The following TLR1 variants were observed in gnomAD, a reference collection of about 807,000 sequenced individuals.
TLR1 encodes toll-like receptor 1.
TLR1 carries 19 observed loss-of-function variants against 20.2 expected under a neutral mutation model. The observed-to-expected ratio is 0.94, with a 90% confidence interval of 0.66 to 1.38. The LOEUF (loss-of-function observed/expected upper bound fraction) is 1.38. Among genes scored for constraint, TLR1 ranks in the 40% most tolerant of loss-of-function variants. TLR1 has a pLI of 0.00. For missense variants in TLR1, 921 were observed against 910.0 expected (o/e 1.01, Z -0.16); for synonymous variants, 320 against 334.5 (o/e 0.96, Z 0.47).
In TLR1 at chr4:38,798,641, T is replaced by G; in HGVS notation, c.191A>C (p.Asp64Ala). ...CCTCAGTTTTGACAGTGATAAGATG[T>G]CAGAAGTCCAAAGCTCAGATATATA... ...QNYISELWTS[D>A]ILSLSKLRIL... The change falls in exon 4 of 4, where the codon GAC becomes GCC. Residue 64 changes from aspartate (D) to alanine (A), a missense_variant. Asp to Ala is a moderately radical substitution (Grantham distance 126, BLOSUM62 -2). Coordinates refer to ENST00000308979, the MANE Select transcript of TLR1 (RefSeq NM_003263.4). The G allele has an allele frequency of 6.2e-7, 1 of 1,613,846 alleles. No individual in the cohort carries two copies. The highest frequency in any genetic ancestry group is 2.2e-5 in the East Asian group (1 of 44,874).
downstream of TLR1, among the ~76,000 whole-genome samples, chr4:38,793,957 A>G (rs1725871910): frequency 6.6e-6 from 1 of 152,114 alleles, no homozygotes; most frequent in Non-Finnish European, 1.5e-5. Flanking sequence ...GACAGAGAAA[A>G]GACAGCCATC....
At chr4:38,790,444 G>A (rs1003025211), downstream of TLR1, among the ~76,000 whole-genome samples, 75 of 152,282 alleles carry the variant, frequency 4.9e-4, no homozygotes, top group African/African-American at 1.8e-3. Context: ...GAGATGCATG[G>A]TTATTCTGAT....
At chr4:38,804,846 G>GAAAAC (rs1443411848), upstream of TLR1, 12 of 152,224 alleles carry the variant, frequency 7.9e-5, no homozygotes, top group South Asian at 2.1e-4. Context: ...ATTTGGTGTT[G>GAAAAC]AAAACAAAAC....
downstream of TLR1, among the ~76,000 whole-genome samples, chr4:38,789,484 T>G (rs1429968302): frequency 6.6e-6 from 1 of 152,176 alleles, no homozygotes; most frequent in African/African-American, 2.4e-5. Context: ...TCTTTTTCTT[T>G]TCTTTTTTTT....
chr4:38,803,119 C>A (rs1726789121), intron 2 of TLR1, among the ~76,000 whole-genome samples: 1 of 152,188 alleles, frequency 6.6e-6, no homozygotes, highest in Non-Finnish European at 1.5e-5. Flanking sequence ...AACTAAGCAG[C>A]CAGGACAAGG....
chr4:38,787,771 T>G (rs542393904), downstream of TLR1, among the ~76,000 whole-genome samples: 1 of 152,220 alleles, frequency 6.6e-6, no homozygotes, highest in Admixed American at 6.5e-5. Flanking sequence ...CATAGCCACA[T>G]ACGGCTAGTG....
At chr4:38,805,091 G>A (rs529301946), upstream of TLR1, 1 of 152,230 alleles carries the variant, frequency 6.6e-6, no homozygotes, top group East Asian at 1.9e-4. Context: ...GATCATAATT[G>A]GCTGAATTCA....
downstream of TLR1, chr4:38,794,587 T>C (rs1320966049): frequency 6.6e-6 from 1 of 151,608 alleles, no homozygotes; most frequent in Non-Finnish European, 1.5e-5. Context: ...TTCTTCATCA[T>C]TACACATTGA....
intron 2 of TLR1, among the ~76,000 whole-genome samples, chr4:38,803,249 C>T (rs1363822868): frequency 6.6e-6 from 1 of 152,158 alleles, no homozygotes; most frequent in Non-Finnish European, 1.5e-5. Context: ...TCATCCACCC[C>T]CTCCCCTCAG....
rs772022360 is a variant in TLR1, at chr4:38,798,680, T to C, written c.152A>G (p.Asn51Ser). ...CTCAGATATATAATTTTGCGATATA[T>C]TTAAGATTGTTGTTTTCTGGGATAG... ...KDLSQKTTIL[N>S]ISQNYISELW... The change falls in exon 4 of 4, where the codon AAT (asparagine) becomes AGT (serine). Residue 51 changes from asparagine to serine, a missense_variant. Coordinates refer to ENST00000308979, the MANE Select transcript of TLR1 (RefSeq NM_003263.4). 1 of 1,614,060 alleles carries C rather than the reference T, an allele frequency of 6.2e-7. No homozygotes were observed. The highest frequency in any genetic ancestry group is 8.5e-7 in the Non-Finnish European group (1 of 1,179,954).
At chr4:38,788,074 T>C (rs1198931939), downstream of TLR1, among the ~76,000 whole-genome samples, 2 of 152,144 alleles carry the variant, frequency 1.3e-5, no homozygotes, top group South Asian at 2.1e-4. Context: ...AATATGTGTA[T>C]CTATTAGAAG....
At chr4:38,800,089 T>C (rs1411637107) in intron 3 of TLR1, among the ~76,000 whole-genome samples, 1 of 152,116 alleles carries the variant, frequency 6.6e-6, no homozygotes, top group Non-Finnish European at 1.5e-5. Context: ...CTTTTTGAGA[T>C]GATGACACTA....
intron 2 of TLR1, among the ~76,000 whole-genome samples, 170 bp downstream of exon 2, chr4:38,804,136 A>T (rs540103473): frequency 9.8e-5 from 15 of 152,372 alleles, no homozygotes; most frequent in African/African-American, 3.4e-4. Context: ...TTGCTTTGTT[A>T]TAAAACAAAT....
downstream of TLR1, chr4:38,794,703 T>C (rs1167401695): frequency 6.6e-6 from 1 of 152,100 alleles, no homozygotes; most frequent in East Asian, 1.9e-4. Context: ...CCTCTGAACT[T>C]CCATTTTATA....
In TLR1 at chr4:38,798,432, C is replaced by A. The variant is rs757205886; in HGVS notation, c.400G>T (p.Glu134Ter). 3.7e-6 allele frequency: 6 copies of A among 1,613,692 alleles called. No homozygotes were observed. The highest frequency in any genetic ancestry group is 4.2e-6 in the Non-Finnish European group (5 of 1,179,690). ...NAFDALPICK[E>*]FGNMSQLKFL... ...TTTAGTTGAGACATATTGCCAAACT[C>A]TTTGCATATAGGCAGGGCATCAAAT... Residue 134 changes from glutamate to a stop codon, truncating the protein, a stop_gained, in exon 4 of 4, where the codon GAG becomes TAG. Coordinates refer to ENST00000308979, the MANE Select transcript of TLR1 (RefSeq NM_003263.4). LOFTEE classifies it low-confidence loss of function (END_TRUNC).
Position 38,797,653 on chromosome 4 carries a change from C to A in TLR1, c.1179G>T (p.Met393Ile), listed in dbSNP as rs751877422. Residue 393 changes from methionine to isoleucine, a missense_variant, in exon 4 of 4, where the codon ATG (methionine) becomes ATT (isoleucine). By Grantham distance (10) the Met-to-Ile change is conservative (BLOSUM62 1). Coordinates refer to ENST00000308979, the MANE Select transcript of TLR1 (RefSeq NM_003263.4). ...QLKELSKIAE[M>I]TTQMKSLQQL... Reference sequence around the variant, plus strand: ...GTTGCAGAGACTTCATCTGTGTAGTCATTTCAGCTATTTTTGAAAGTTCTT... The same window carrying A: ...GTTGCAGAGACTTCATCTGTGTAGTAATTTCAGCTATTTTTGAAAGTTCTT... 2.5e-6 allele frequency: 4 copies of A among 1,613,824 alleles called. No individual in the cohort carries two copies. Among genetic ancestry groups the A allele is most frequent in the Non-Finnish European group, 2.5e-6 (3 of 1,179,946 alleles).
intron 2 of TLR1, among the ~76,000 whole-genome samples, chr4:38,801,926 A>G (rs1334753369): frequency 6.6e-6 from 1 of 152,200 alleles, no homozygotes; most frequent in Non-Finnish European, 1.5e-5. Flanking sequence ...GCCGGGGGCC[A>G]TGGCTCACGC....
chr4:38,797,337 G>T lies in TLR1; in HGVS notation c.1495C>A (p.His499Asn). The T allele has an allele frequency of 6.2e-7, 1 of 1,614,140 alleles. No homozygotes were observed. Among genetic ancestry groups the T allele is most frequent in the Non-Finnish European group, 8.5e-7 (1 of 1,180,018 alleles). The change falls in exon 4 of 4, where the codon CAC becomes AAC. Residue 499 changes from histidine (H) to asparagine (N), a missense_variant. Physicochemically the swap from His to Asn is moderately conservative, Grantham distance 68. Coordinates refer to ENST00000308979, the MANE Select transcript of TLR1 (RefSeq NM_003263.4). The part of the protein sequence containing the change: ...FSSLSVLIID[H>N]NSVSHPSADF... ...GCCGATGGGTGGGAAACTGAATTGT[G>T]ATCAATGATCAATACAGAAAGGCTG... is the stretch of plus-strand genomic sequence containing the variant.
Position 38,798,826 on chromosome 4 carries a change from A to G in TLR1, c.6T>C (p.Thr2=). 1 of 1,591,096 alleles carries G rather than the reference A, an allele frequency of 6.3e-7. No individual in the cohort carries two copies. The highest frequency in any genetic ancestry group is 8.6e-7 in the Non-Finnish European group (1 of 1,168,284). M[T]SIFHFAIIFM... ...AGATAATGGCAAAATGGAAGATGCTAGTCATTTTGGAACACTAGACATTCC... is the reference window on the plus strand; with the variant it reads ...AGATAATGGCAAAATGGAAGATGCTGGTCATTTTGGAACACTAGACATTCC... The change falls in exon 4 of 4, where the codon ACT becomes ACC. Residue 2 remains threonine (T), a synonymous_variant. Transcript: ENST00000308979.
Sources: gnomAD v4.1 joint callset for allele counts (sites outside exome capture counted in the v4.1 genomes callset) on GRCh38, gnomAD v4.1.1 for gene constraint, MANE v1.5 for transcripts, NCBI Gene and HGNC (gene_info 2026-07-23, HGNC 2026-07-21) for gene names.